COG5: variants seen among roughly 807,000 people sequenced by gnomAD.
The protein encoded by COG5 is conserved oligomeric Golgi complex subunit 5.
COG5 carries 86 observed loss-of-function variants against 110.4 expected under a neutral mutation model. That is an observed-to-expected ratio of 0.78 (90% CI 0.65 to 0.93). COG5 has a LOEUF of 0.93. Ranked by LOEUF, COG5 falls within the 40% of genes least tolerant of loss-of-function variation. The pLI, the probability that COG5 is intolerant of heterozygous loss-of-function variation, is 0.00. For missense variants in COG5, 1,077 were observed against 987.0 expected, an observed-to-expected ratio of 1.09 and a Z score of -1.22; for synonymous variants, 360 against 334.6, an observed-to-expected ratio of 1.08 and a Z score of -0.83.
intron 7 of COG5, 129 bp downstream of exon 7, chr7:107,412,373 A>G: frequency 1.2e-6 from 1 of 821,072 alleles, no homozygotes; most frequent in South Asian, 1.7e-5. Flanking sequence ...TCTTTGATTT[A>G]AATTGTAGAC....
chr7:107,478,693 A>G (rs1797133219), intron 6 of COG5, among the ~76,000 whole-genome samples: 1 of 152,026 alleles, frequency 6.6e-6, no homozygotes, highest in African/African-American at 2.4e-5. Flanking sequence ...GTTCAATACT[A>G]TCCATAGTTT....
chr7:107,527,036 TTAAAA>T (rs537487044), intron 6 of COG5, among the ~76,000 whole-genome samples, 196 bp downstream of exon 6: 1 of 152,188 alleles, frequency 6.6e-6, no homozygotes, highest in Non-Finnish European at 1.5e-5. Context: ...TACTATATAA[TTAAAA>T]TAAATAGCAT....
At chr7:107,464,096 G>A (rs114279897) in intron 6 of COG5, among the ~76,000 whole-genome samples, 133 of 152,188 alleles carry the variant, frequency 8.7e-4, no homozygotes, top group African/African-American at 3.1e-3. Context: ...GAATAGAGGG[G>A]GTAGAGAAAA....
intron 6 of COG5, among the ~76,000 whole-genome samples, chr7:107,514,651 G>A (rs563783837): frequency 1.3e-3 from 205 of 152,196 alleles, no homozygotes; most frequent in African/African-American, 4.0e-3. Context: ...ACACCAGATG[G>A]GTGTCCTTAG....
chr7:107,254,088 T>C (rs1802711387), intron 16 of COG5, among the ~76,000 whole-genome samples: 1 of 152,108 alleles, frequency 6.6e-6, no homozygotes, highest in African/African-American at 2.4e-5. Flanking sequence ...AGACAATAAA[T>C]ATTTTTGAAT....
chr7:107,515,780 C>T lies in COG5; in HGVS notation c.538+11457G>A, dbSNP rs111940085. 6.6e-5 allele frequency among the ~76,000 whole-genome samples: 10 copies of T among 152,176 alleles called. 3 individuals are homozygous for T. Among genetic ancestry groups the T allele is most frequent in the African/African-American group, 2.4e-4 (10 of 41,514 alleles). On this transcript the variant is annotated intron_variant, in intron 6 of 21. Coordinates refer to ENST00000297135, the MANE Select transcript of COG5 (RefSeq NM_006348.5). ...GATTTACTGTTAGTCAAATTAATGC[C>T]CTCTTTAGAACAAGTCAGGCAATAA...
In COG5 at chr7:107,322,692, T is replaced by C. The variant is rs147881406; in HGVS notation, c.1108+1748A>G. Among the ~76,000 whole-genome samples the C allele has an allele frequency of 4.6e-5, 7 of 152,216 alleles. No homozygotes were observed. In the East Asian group the frequency reaches 5.8e-4, roughly 13 times the overall value. ...GCAGTTTCTGTAAAGTTAAACAACA[T>C]TTACCAAATAATTGAGCAATTCCAC... On this transcript the variant is annotated intron_variant, in intron 11 of 21. Transcript: ENST00000297135.
chr7:107,407,852 C>G (rs1464527915), intron 7 of COG5, among the ~76,000 whole-genome samples: 5 of 152,052 alleles, frequency 3.3e-5, no homozygotes, highest in Admixed American at 1.3e-4. Context: ...AAACAAGGGA[C>G]AGCCATAAGT....
chr7:107,382,737 C>G (rs1815236533), intron 7 of COG5, among the ~76,000 whole-genome samples: 1 of 152,152 alleles, frequency 6.6e-6, no homozygotes, highest in Non-Finnish European at 1.5e-5. Context: ...CCGCACCCAG[C>G]CTAAAGTCTA....
chr7:107,286,704 C>T (rs1169323398), intron 12 of COG5, among the ~76,000 whole-genome samples: 9 of 152,142 alleles, frequency 5.9e-5, no homozygotes, highest in Non-Finnish European at 1.0e-4. Context: ...CTCAACGTGG[C>T]ACTTCTCTTG....
At chr7:107,277,399 GAA>G (rs941531457) in intron 14 of COG5, among the ~76,000 whole-genome samples, 1 of 151,960 alleles carries the variant, frequency 6.6e-6, no homozygotes, top group Non-Finnish European at 1.5e-5. Flanking sequence ...ACTAGAGATA[GAA>G]ACTAAAAACC....
intron 15 of COG5, 98 bp from the exon 16 acceptor site, chr7:107,256,892 T>C (rs977510618): frequency 4.2e-5 from 33 of 781,096 alleles, no homozygotes; most frequent in South Asian, 1.9e-4. Flanking sequence ...CCACAAAGTA[T>C]ATATACAATA....
In COG5 at chr7:107,438,056, G is replaced by A. The variant is rs529453517; in HGVS notation, c.539-25424C>T. On this transcript the variant is annotated intron_variant, in intron 6 of 21. Coordinates refer to ENST00000297135, the MANE Select transcript of COG5 (RefSeq NM_006348.5). ...TTCCTACCTGGAAACTAGATTCAACGCCTGAAGATAAAGCAATCTTACTGA... is the reference window on the plus strand; with the variant it reads ...TTCCTACCTGGAAACTAGATTCAACACCTGAAGATAAAGCAATCTTACTGA... Among the ~76,000 whole-genome samples, 16 of 152,174 alleles carry A rather than the reference G, an allele frequency of 1.1e-4. No individual in the cohort carries two copies. The South Asian group carries it at 2.9e-3, about 28-fold the overall frequency.
At chr7:107,209,696 C>T (rs1009299502) in intron 21 of COG5, 1 of 474,372 alleles carries the variant, frequency 2.1e-6, no homozygotes, top group Non-Finnish European at 2.8e-6. Flanking sequence ...AATGCAAGCT[C>T]TGAGAGGACA....
chr7:107,486,256 T>C (rs1797650882), intron 6 of COG5, among the ~76,000 whole-genome samples: 1 of 152,046 alleles, frequency 6.6e-6, no homozygotes, highest in Non-Finnish European at 1.5e-5. Flanking sequence ...ACGCCCTCAA[T>C]ATCCTAGACC....
At chr7:107,542,263 T>C (rs1802096541) in intron 5 of COG5, among the ~76,000 whole-genome samples, 1 of 152,120 alleles carries the variant, frequency 6.6e-6, no homozygotes, top group Non-Finnish European at 1.5e-5. Context: ...ACATAATAGA[T>C]GACTTACAAG....
At chr7:107,233,099 G>C (rs1041586467) in intron 18 of COG5, among the ~76,000 whole-genome samples, 14 of 152,184 alleles carry the variant, frequency 9.2e-5, no homozygotes, top group African/African-American at 2.9e-4. Flanking sequence ...TATGCTTAAA[G>C]GGCACCAGAA....
At chr7:107,415,905 T>C (rs543031957) in intron 6 of COG5, among the ~76,000 whole-genome samples, 2 of 81,626 alleles carry the variant, frequency 2.5e-5, no homozygotes, top group East Asian at 5.5e-4. Context: ...CATACACGTA[T>C]GTATGTATGT....
intron 5 of COG5, among the ~76,000 whole-genome samples, chr7:107,543,825 A>C (rs1802228351): frequency 6.6e-6 from 1 of 152,124 alleles, no homozygotes; most frequent in Non-Finnish European, 1.5e-5. Context: ...ACAGACACAA[A>C]GTTCAGGCTC....
Sources: gnomAD v4.1 joint callset for allele counts (sites outside exome capture counted in the v4.1 genomes callset) on GRCh38, gnomAD v4.1.1 for gene constraint, MANE v1.5 for transcripts, NCBI Gene and HGNC (gene_info 2026-07-23, HGNC 2026-07-21) for gene names.